Variants in XRCC4 observed in about 807,000 individuals in gnomAD.
The protein encoded by XRCC4 is DNA repair protein XRCC4.
In XRCC4, 28 loss-of-function variants were observed where a neutral mutation model predicts 39.1. The observed-to-expected ratio is 0.72, with a 90% CI of 0.53 to 0.98. XRCC4 has a LOEUF of 0.98. XRCC4 is among the 50% of genes least tolerant of loss of function. The pLI is 0.00. For missense variants in XRCC4, 350 were observed against 376.4 expected (o/e 0.93, Z 0.58); for synonymous variants, 123 against 126.4 (o/e 0.97, Z 0.18).
At chr5:83,100,917 G>A (rs572312717) in intron 1 of XRCC4, among the ~76,000 whole-genome samples, 17 of 152,124 alleles carry the variant, frequency 1.1e-4, no homozygotes, top group South Asian at 1.0e-3. Context: ...TTCACAAATG[G>A]ATAAAGCATT....
At chr5:83,203,741 G>A (rs1430708033) in intron 5 of XRCC4, 34 bp downstream of exon 5, 2 of 1,602,148 alleles carry the variant, frequency 1.2e-6, no homozygotes, top group Non-Finnish European at 1.7e-6. Flanking sequence ...GATGACAGAT[G>A]AATACATTTA....
chr5:83,113,277 C>A (rs904461396), intron 3 of XRCC4, among the ~76,000 whole-genome samples: 1 of 152,224 alleles, frequency 6.6e-6, no homozygotes, highest in Non-Finnish European at 1.5e-5. Flanking sequence ...GACTCCATAT[C>A]TCACATCCAG....
chr5:83,088,482 G>A (rs775065025), intron 1 of XRCC4, among the ~76,000 whole-genome samples: 20 of 152,172 alleles, frequency 1.3e-4, no homozygotes, highest in Non-Finnish European at 2.6e-4. Flanking sequence ...ATTTCAGTTC[G>A]TTATTTCAAC....
intron 7 of XRCC4, among the ~76,000 whole-genome samples, chr5:83,263,762 T>C (rs1307213556): frequency 1.3e-5 from 2 of 151,538 alleles, no homozygotes; most frequent in Non-Finnish European, 2.9e-5. Flanking sequence ...GTCAGATGAG[T>C]AGGTTGCGAA....
intron 3 of XRCC4, among the ~76,000 whole-genome samples, chr5:83,186,777 T>C (rs1420388751): frequency 6.6e-6 from 1 of 152,132 alleles, no homozygotes; most frequent in Non-Finnish European, 1.5e-5. Context: ...AACATAAATA[T>C]ATATTTTACT....
chr5:83,281,335 T>A (rs1754529889), intron 7 of XRCC4, among the ~76,000 whole-genome samples: 1 of 152,046 alleles, frequency 6.6e-6, no homozygotes, highest in African/African-American at 2.4e-5. Context: ...TTTTAATGAG[T>A]CCCTACAGTT....
intron 3 of XRCC4, among the ~76,000 whole-genome samples, chr5:83,136,718 A>G (rs1430092148): frequency 6.6e-6 from 1 of 152,162 alleles, no homozygotes; most frequent in Non-Finnish European, 1.5e-5. Context: ...TTTAAGATTG[A>G]TTTCTGAAGC....
At chr5:83,117,665 GTGTGTGTGTA>G (rs1299871281) in intron 3 of XRCC4, among the ~76,000 whole-genome samples, 5 of 111,844 alleles carry the variant, frequency 4.5e-5, no homozygotes, top group African/African-American at 8.1e-5. Context: ...GTGTGTGTGT[GTGTGTGTGTA>G]TGTATGTATA....
chr5:83,230,005 A>C (rs1035467657), intron 6 of XRCC4, among the ~76,000 whole-genome samples: 6 of 151,960 alleles, frequency 3.9e-5, no homozygotes, highest in African/African-American at 1.2e-4. Context: ...TGTCTACTGA[A>C]ATAGAGGCCC....
intron 4 of XRCC4, among the ~76,000 whole-genome samples, chr5:83,199,840 AT>A (rs1267177461): frequency 6.6e-6 from 1 of 151,962 alleles, no homozygotes; most frequent in Non-Finnish European, 1.5e-5. Context: ...ATTTAGCATT[AT>A]TGTTCTGTTT....
At chr5:83,224,184 T>C (rs186747667) in intron 6 of XRCC4, among the ~76,000 whole-genome samples, 3 of 151,716 alleles carry the variant, frequency 2.0e-5, no homozygotes, top group Non-Finnish European at 2.9e-5. Context: ...TTTTCTAGTG[T>C]TTTTTTTGTG....
At chr5:83,133,765 T>G (rs1747731347) in intron 3 of XRCC4, among the ~76,000 whole-genome samples, 1 of 151,782 alleles carries the variant, frequency 6.6e-6, no homozygotes, top group South Asian at 2.1e-4. Context: ...GGGAGTGTCC[T>G]GATTTTCCAG....
chr5:83,240,051 G>C (rs529092963), intron 6 of XRCC4, among the ~76,000 whole-genome samples: 1 of 151,914 alleles, frequency 6.6e-6, no homozygotes, highest in Non-Finnish European at 1.5e-5. Flanking sequence ...GCATGCACCT[G>C]TAGTACCAGC....
chr5:83,204,057 G>C (rs1015035085), intron 5 of XRCC4, among the ~76,000 whole-genome samples: 2 of 152,056 alleles, frequency 1.3e-5, no homozygotes, highest in East Asian at 3.8e-4. Flanking sequence ...TGATGTCTAG[G>C]CAATGATTAA....
At chr5:83,286,205 C>T (rs762040580) in intron 7 of XRCC4, among the ~76,000 whole-genome samples, 20 of 152,080 alleles carry the variant, frequency 1.3e-4, no homozygotes, top group Non-Finnish European at 2.4e-4. Context: ...TAATCAACTT[C>T]GTGTCTGAAG....
chr5:83,363,510 T>A, the XRCC4 span, among the ~76,000 whole-genome samples: 1 of 152,152 alleles, frequency 6.6e-6, no homozygotes, highest in Non-Finnish European at 1.5e-5. Context: ...ACTCTCCTAT[T>A]TCTTTGCTGA....
chr5:83,124,521 A>T (rs1193265199), intron 3 of XRCC4, among the ~76,000 whole-genome samples: 1 of 151,998 alleles, frequency 6.6e-6, no homozygotes, highest in East Asian at 1.9e-4. Context: ...TTGTTTATTC[A>T]TTTATTCACT....
chr5:83,203,482 T>C lies in XRCC4; in HGVS notation c.483-70T>C, dbSNP rs771165858. 6.2e-6 allele frequency: 8 copies of C among 1,295,668 alleles called. No homozygotes were observed. In the Admixed American group the frequency reaches 2.3e-4, roughly 37 times the overall value. The allele number at this position is 1,295,668 out of a possible 1,614,324, so 80.3% of individuals were successfully genotyped here. ...GTATTTTCCTTGAAATCTTCTTGAT[T>C]ATTAGGCTGAATTATGTTAATGCTA... On this transcript the variant is annotated intron_variant, in intron 4 of 7. Coordinates refer to ENST00000396027, the MANE Select transcript of XRCC4 (RefSeq NM_003401.5).
chr5:83,358,644 A>G (rs535700834), downstream of XRCC4, among the ~76,000 whole-genome samples: 2 of 152,304 alleles, frequency 1.3e-5, no homozygotes, highest in South Asian at 4.1e-4. Context: ...CCGCTGTTCC[A>G]GTAAATGGAA....
Sources: gnomAD v4.1 joint callset for allele counts (sites outside exome capture counted in the v4.1 genomes callset) on GRCh38, gnomAD v4.1.1 for gene constraint, MANE v1.5 for transcripts, NCBI Gene and HGNC (gene_info 2026-07-23, HGNC 2026-07-21) for gene names.